ANK3: variants seen among roughly 807,000 people sequenced by gnomAD.
ANK3 encodes the protein ankyrin-3.
Under a neutral mutation model 370.9 loss-of-function variants are expected in ANK3, and 57 were observed. The ratio of observed to expected loss-of-function variants is 0.15; its 90% CI spans 0.12 to 0.19. ANK3 has a LOEUF of 0.19. Among genes scored for constraint, ANK3 ranks in the 10% least tolerant of loss-of-function variants. The pLI is 1.00. For missense variants in ANK3, 4,439 were observed against 5,302.1 expected, an observed-to-expected ratio of 0.84 and a Z score of 5.06; for synonymous variants, 1,929 against 1,946.3, an observed-to-expected ratio of 0.99 and a Z score of 0.23.
At chr10:60,537,615 T>C (rs752851497) in intron 2 of ANK3, among the ~76,000 whole-genome samples, 2 of 151,952 alleles carry the variant, frequency 1.3e-5, no homozygotes, top group Non-Finnish European at 2.9e-5. Context: ...GCTTTTGAAA[T>C]TTATGGAAGA....
intron 43 of ANK3, among the ~76,000 whole-genome samples, chr10:60,039,334 T>A (rs1023888829): frequency 1.3e-5 from 2 of 152,172 alleles, no homozygotes; most frequent in Non-Finnish European, 2.9e-5. Context: ...TGCAAGTCTT[T>A]GCCATGGCTT....
chr10:60,706,210 A>C (rs1450315212), intron 1 of ANK3, among the ~76,000 whole-genome samples: 1 of 152,180 alleles, frequency 6.6e-6, no homozygotes, highest in Non-Finnish European at 1.5e-5. Context: ...CACCATTGTA[A>C]AGTTCCCCTT....
chr10:60,666,533 A>G (rs10994468), intron 1 of ANK3, among the ~76,000 whole-genome samples: 102,364 of 151,992 alleles, frequency 0.67, 34,617 homozygotes, highest in South Asian at 0.83. Flanking sequence ...TGTACTTAGT[A>G]CCTCTGAACT....
chr10:60,155,915 C>A (rs934084088), intron 23 of ANK3, among the ~76,000 whole-genome samples: 1 of 152,216 alleles, frequency 6.6e-6, no homozygotes, highest in Non-Finnish European at 1.5e-5. Context: ...CTGAAGGCTG[C>A]ACTATTGGTT....
chr10:60,181,612 TGAG>T (rs1196148066), intron 17 of ANK3, among the ~76,000 whole-genome samples, 185 bp from the exon 18 acceptor site: 32 of 152,100 alleles, frequency 2.1e-4, no homozygotes, highest in Admixed American at 1.9e-3. Context: ...CCCATGAGTT[TGAG>T]ACCAGCCTGG....
chr10:60,247,101 T>A (rs1015850061), intron 7 of ANK3, among the ~76,000 whole-genome samples: 4 of 152,130 alleles, frequency 2.6e-5, no homozygotes, highest in Admixed American at 2.0e-4. Context: ...ATGCAAGCTC[T>A]GCCTCCCAGG....
At chr10:60,444,786 C>T (rs1365557803) in intron 2 of ANK3, among the ~76,000 whole-genome samples, 11 of 151,960 alleles carry the variant, frequency 7.2e-5, no homozygotes, top group African/African-American at 2.7e-4. Context: ...ATTGTGAATA[C>T]ATGGTAAGAG....
At chr10:60,500,782 G>C (rs1050820733) in intron 2 of ANK3, among the ~76,000 whole-genome samples, 1 of 152,158 alleles carries the variant, frequency 6.6e-6, no homozygotes, top group Non-Finnish European at 1.5e-5. Context: ...CAATGCCAAA[G>C]TGTAAGAACC....
Position 60,072,545 on chromosome 10 carries a change from G to A in ANK3, c.8336C>T (p.Ser2779Phe). The A allele has an allele frequency of 3.7e-6, 6 of 1,613,302 alleles. No homozygotes were observed. Among genetic ancestry groups the A allele is most frequent in the Non-Finnish European group, 5.1e-6 (6 of 1,179,806 alleles). The change falls in exon 37 of 44, where the codon TCT becomes TTT. Residue 2779 changes from serine to phenylalanine, a missense_variant. By Grantham distance (155) the Ser-to-Phe change is radical. This residue lies in a region of ANK3 where 1,601 missense variants were observed against 1,731.7 expected (regional missense o/e 0.92). Coordinates refer to ENST00000280772, the MANE Select transcript of ANK3 (RefSeq NM_020987.5). ...KAIDLPDESV[S>F]VQKDFMVLKT... ...TAATACCATAAAATCTTTTTGCACA[G>A]ATACACTTTCATCTGGGAGGTCTAT...
At chr10:60,311,027 G>A (rs555668860) in intron 1 of ANK3, among the ~76,000 whole-genome samples, 61 of 152,262 alleles carry the variant, frequency 4.0e-4, no homozygotes, top group Non-Finnish European at 7.3e-4. Flanking sequence ...GATTGGGGAG[G>A]AGTAGTCAGT....
intron 1 of ANK3, among the ~76,000 whole-genome samples, chr10:60,293,516 C>G (rs967451219): frequency 9.9e-5 from 15 of 151,946 alleles, no homozygotes; most frequent in African/African-American, 3.6e-4. Context: ...AAAACTGAAG[C>G]GAAGAGAGGT....
At chr10:60,294,384 G>T (rs2042083045) in intron 1 of ANK3, among the ~76,000 whole-genome samples, 1 of 152,144 alleles carries the variant, frequency 6.6e-6, no homozygotes, top group Non-Finnish European at 1.5e-5. Flanking sequence ...CAGAGGGAGA[G>T]GAGGCATTAG....
At chr10:60,489,207 T>C (rs2075427828) in intron 2 of ANK3, among the ~76,000 whole-genome samples, 3 of 152,188 alleles carry the variant, frequency 2.0e-5, no homozygotes, top group Admixed American at 6.5e-5. Flanking sequence ...TGTGCCAAGA[T>C]AGCTTCTCCA....
rs35837089 is a variant in ANK3, at chr10:60,528,134, C to CTTTTTT, written c.96+87051_96+87052insAAAAAA. ...TTTTTTCTTTTTTTCTTTTCTTCTT[C>CTTTTTT]TTCTTTTTTTTTTTTTTTTGAGACA... On this transcript the variant is annotated intron_variant, in intron 2 of 43. Transcript: ENST00000373827. Among the ~76,000 whole-genome samples the CTTTTTT allele has an allele frequency of 5.6e-4, 70 of 124,282 alleles. 1 individual carries two copies. The highest frequency in any genetic ancestry group is 8.6e-4 in the Non-Finnish European group (52 of 60,458). 81.5% of individuals were successfully genotyped at this position (124,282 alleles called of 152,430 possible). A position where few individuals can be genotyped will look rare whatever the true frequency, so the allele number is the denominator to read the frequency against.
intron 2 of ANK3, among the ~76,000 whole-genome samples, chr10:60,485,623 G>A (rs1016996610): frequency 4.6e-5 from 7 of 152,156 alleles, no homozygotes; most frequent in African/African-American, 1.4e-4. Flanking sequence ...CCCACCTGGT[G>A]TTCCCATTGT....
intron 2 of ANK3, among the ~76,000 whole-genome samples, chr10:60,402,698 G>A (rs1283835062): frequency 6.6e-6 from 1 of 152,192 alleles, no homozygotes; most frequent in African/African-American, 2.4e-5. Context: ...AAGCTACCAT[G>A]TCAAAAAGCC....
intron 1 of ANK3, among the ~76,000 whole-genome samples, chr10:60,693,369 C>T (rs897532191): frequency 1.3e-5 from 2 of 152,240 alleles, no homozygotes; most frequent in South Asian, 4.1e-4. Flanking sequence ...ACAAAGCAGC[C>T]TGGAAGCTCG....
chr10:60,301,133 T>TAC (rs2043625677), intron 1 of ANK3, among the ~76,000 whole-genome samples: 1 of 147,742 alleles, frequency 6.8e-6, no homozygotes, highest in African/African-American at 2.5e-5. Flanking sequence ...GATATATATA[T>TAC]ATATATATAT....
At chr10:60,052,615 C>T (rs1347543168) in intron 42 of ANK3, among the ~76,000 whole-genome samples, 2 of 152,012 alleles carry the variant, frequency 1.3e-5, no homozygotes, top group Non-Finnish European at 2.9e-5. Context: ...TACCAAGGGG[C>T]AAATAGTTCA....
Sources: gnomAD v4.1 joint callset for allele counts (sites outside exome capture counted in the v4.1 genomes callset) on GRCh38, gnomAD v4.1.1 for gene constraint, gnomAD v4.1.1 regional missense constraint, MANE v1.5 for transcripts, NCBI Gene and HGNC (gene_info 2026-07-23, HGNC 2026-07-21) for gene names.